Variants in KCNN2 observed in about 807,000 individuals in gnomAD.
The protein encoded by KCNN2 is potassium calcium-activated channel subfamily N member 2, also known as small conductance calcium-activated potassium channel protein 2.
In KCNN2, 24 loss-of-function variants were observed where a neutral mutation model predicts 55.5. The observed-to-expected ratio is 0.43, with a 90% CI of 0.31 to 0.61. The LOEUF is 0.61. KCNN2 is among the 20% of genes least tolerant of loss of function. The pLI, the probability that KCNN2 is intolerant of heterozygous loss-of-function variation, is 0.08. For missense variants in KCNN2, 754 were observed against 853.6 expected, an observed-to-expected ratio of 0.88 and a Z score of 1.45; for synonymous variants, 431 against 336.1, an observed-to-expected ratio of 1.28 and a Z score of -3.09.
intron 1 of KCNN2, among the ~76,000 whole-genome samples, chr5:114,110,039 TG>T (rs1475423023): frequency 6.6e-6 from 1 of 152,096 alleles, no homozygotes; most frequent in Admixed American, 6.6e-5. Flanking sequence ...TTTTGTCTCT[TG>T]CCCTTCCTCC....
intron 3 of KCNN2, among the ~76,000 whole-genome samples, chr5:114,407,015 T>G (rs1327659909): frequency 6.6e-6 from 1 of 152,170 alleles, no homozygotes; most frequent in Non-Finnish European, 1.5e-5. Context: ...GGTCTAGCAG[T>G]CTGATGCCAT....
chr5:114,219,915 T>C (rs1436076063), intron 1 of KCNN2, among the ~76,000 whole-genome samples: 1 of 152,226 alleles, frequency 6.6e-6, no homozygotes, highest in Non-Finnish European at 1.5e-5. Context: ...AGCATACTTT[T>C]TCTGTGAGGG....
chr5:114,172,509 G>A (rs1248254415), intron 1 of KCNN2, among the ~76,000 whole-genome samples: 2 of 151,232 alleles, frequency 1.3e-5, no homozygotes, highest in South Asian at 2.1e-4. Context: ...CTGGAAATTA[G>A]AAAACATTTA....
upstream of KCNN2, chr5:114,361,124 C>G (rs1350018681): frequency 2.0e-5 from 3 of 152,240 alleles, no homozygotes; most frequent in East Asian, 1.9e-4. Context: ...GGGCGCCATC[C>G]CCTCATGTTC....
At chr5:114,098,435 G>A (rs916829181) in intron 1 of KCNN2, among the ~76,000 whole-genome samples, 2 of 152,008 alleles carry the variant, frequency 1.3e-5, no homozygotes, top group African/African-American at 4.8e-5. Context: ...GAGCATTACT[G>A]CCTGAGTTCT....
chr5:114,117,670 A>G (rs556356073), intron 1 of KCNN2, among the ~76,000 whole-genome samples: 1 of 152,286 alleles, frequency 6.6e-6, no homozygotes, highest in South Asian at 2.1e-4. Flanking sequence ...AGAAGCATTG[A>G]GAGGGAGGTC....
chr5:114,262,293 G>A (rs1383923642), intron 2 of KCNN2, among the ~76,000 whole-genome samples: 1 of 152,092 alleles, frequency 6.6e-6, no homozygotes, highest in African/African-American at 2.4e-5. Flanking sequence ...TCCTGAAAAA[G>A]TACACCTTTC....
intron 1 of KCNN2, among the ~76,000 whole-genome samples, chr5:114,166,610 C>G (rs1410354189): frequency 6.6e-6 from 1 of 152,098 alleles, no homozygotes; most frequent in Non-Finnish European, 1.5e-5. Flanking sequence ...ACGGTTTTCA[C>G]CTGGTTCTCT....
At chr5:114,361,139 G>C (rs1757407163), upstream of KCNN2, 1 of 152,286 alleles carries the variant, frequency 6.6e-6, no homozygotes, top group African/African-American at 2.4e-5. Flanking sequence ...ATGTTCTGGA[G>C]AAGGCGCAAA....
At chr5:114,130,397 G>A (rs1580539405) in intron 1 of KCNN2, among the ~76,000 whole-genome samples, 1 of 152,182 alleles carries the variant, frequency 6.6e-6, no homozygotes. Flanking sequence ...ATTCGTTCAA[G>A]AAGTTGAGGA....
chr5:114,297,359 A>G (rs1473066098), intron 2 of KCNN2, among the ~76,000 whole-genome samples: 2 of 152,050 alleles, frequency 1.3e-5, no homozygotes, highest in African/African-American at 2.4e-5. Context: ...TATTAATTAT[A>G]AAATATAAAA....
intron 1 of KCNN2, among the ~76,000 whole-genome samples, chr5:114,074,357 A>C (rs1158019234): frequency 1.3e-5 from 2 of 150,720 alleles, no homozygotes; most frequent in Non-Finnish European, 3.0e-5. Flanking sequence ...AGAAAGAGGG[A>C]AGATCTTTAA....
chr5:114,398,547 A>G (rs561862433), intron 2 of KCNN2, among the ~76,000 whole-genome samples: 2 of 148,936 alleles, frequency 1.3e-5, no homozygotes, highest in South Asian at 4.2e-4. Context: ...TTTTGGTTCC[A>G]TGTGAATTTT....
At chr5:114,079,356 A>G (rs1334661097) in intron 1 of KCNN2, among the ~76,000 whole-genome samples, 3 of 152,202 alleles carry the variant, frequency 2.0e-5, no homozygotes, top group Non-Finnish European at 4.4e-5. Flanking sequence ...CATGAAAAAA[A>G]TAGACATCAG....
At position 114,223,320 on chromosome 5, in the gene KCNN2, G is replaced by T. The variant is rs117321398; in HGVS notation, c.-185+1755G>T. Among the ~76,000 whole-genome samples, 189 of 152,244 alleles carry T rather than the reference G, an allele frequency of 1.2e-3. 2 individuals are homozygous for T. The East Asian group carries it at 0.032, about 26-fold the overall frequency. On this transcript the variant is annotated intron_variant, in intron 2 of 10. Coordinates refer to the KCNN2 transcript ENST00000512097. Reference sequence around the variant, plus strand: ...ATTCTTCGCAGCTTCAGAAAAACTTGTTTGGAGAAAAATCTTTTGGAAATG... The same window carrying T: ...ATTCTTCGCAGCTTCAGAAAAACTTTTTTGGAGAAAAATCTTTTGGAAATG...
intron 2 of KCNN2, among the ~76,000 whole-genome samples, chr5:114,262,002 A>T (rs1755118897): frequency 1.3e-5 from 2 of 152,218 alleles, no homozygotes; most frequent in Non-Finnish European, 2.9e-5. Flanking sequence ...TTTGTTATAT[A>T]TTGAAATCCT....
intron 1 of KCNN2, among the ~76,000 whole-genome samples, chr5:114,108,187 A>G (rs888694577): frequency 1.3e-5 from 2 of 152,022 alleles, no homozygotes; most frequent in Non-Finnish European, 2.9e-5. Flanking sequence ...ACAAGAAAAA[A>G]GTTCGAAGGG....
intron 1 of KCNN2, among the ~76,000 whole-genome samples, chr5:114,159,022 C>A (rs1752704429): frequency 6.6e-6 from 1 of 152,136 alleles, no homozygotes; most frequent in Non-Finnish European, 1.5e-5. Context: ...TTGCCCTGGC[C>A]AGAACCTCCA....
intron 1 of KCNN2, among the ~76,000 whole-genome samples, chr5:114,210,836 C>A (rs1310923174): frequency 6.6e-6 from 1 of 151,988 alleles, no homozygotes; most frequent in Non-Finnish European, 1.5e-5. Flanking sequence ...TATCTAGAAA[C>A]GTAGCAGCTC....
Sources: allele counts gnomAD v4.1 joint callset (sites outside exome capture counted in the v4.1 genomes callset), GRCh38; gene constraint gnomAD v4.1.1; transcripts MANE v1.5; gene names NCBI Gene and HGNC (gene_info 2026-07-23, HGNC 2026-07-21).